The following WASF3 variants were observed in gnomAD, a reference collection of about 807,000 sequenced individuals.
The protein encoded by WASF3 is WASP family member 3, also known as actin-binding protein WASF3.
WASF3 carries 11 observed loss-of-function variants against 46.6 expected under a neutral mutation model. The ratio of observed to expected loss-of-function variants is 0.24; its 90% CI spans 0.15 to 0.39. The LOEUF (loss-of-function observed/expected upper bound fraction) is 0.39. WASF3 is among the 10% of genes least tolerant of loss of function. WASF3 has a pLI of 1.00. For synonymous variants in WASF3, 242 were observed against 259.7 expected (o/e 0.93, Z 0.65); for missense variants, 576 against 669.8 (o/e 0.86, Z 1.55).
chr13:26,571,448 G>T (rs1879631266), intron 1 of WASF3, among the ~76,000 whole-genome samples: 1 of 152,102 alleles, frequency 6.6e-6, no homozygotes, highest in Non-Finnish European at 1.5e-5. Context: ...ATCTGATTTT[G>T]TCTTCTTCTG....
chr13:26,650,000 C>T (rs760153867), intron 3 of WASF3, among the ~76,000 whole-genome samples: 4 of 152,038 alleles, frequency 2.6e-5, no homozygotes, highest in Non-Finnish European at 5.9e-5. Context: ...ACCCAGCAGG[C>T]GGAGGTTGCA....
chr13:26,621,987 A>G (rs1593153349), intron 2 of WASF3, among the ~76,000 whole-genome samples: 3 of 152,264 alleles, frequency 2.0e-5, no homozygotes, highest in South Asian at 4.1e-4. Flanking sequence ...ACTCTACTCT[A>G]TGGGCCCTGG....
At chr13:26,606,169 GTAGT>G (rs1374334162) in intron 1 of WASF3, among the ~76,000 whole-genome samples, 1 of 152,116 alleles carries the variant, frequency 6.6e-6, no homozygotes, top group East Asian at 1.9e-4. Context: ...TCTAATTTTT[GTAGT>G]TAGGGAAACT....
intron 1 of WASF3, among the ~76,000 whole-genome samples, chr13:26,572,686 G>GA (rs1310291345): frequency 6.6e-6 from 1 of 152,062 alleles, no homozygotes; most frequent in African/African-American, 2.4e-5. Flanking sequence ...CCGAGTAGCT[G>GA]AGACTATAGG....
intron 1 of WASF3, among the ~76,000 whole-genome samples, chr13:26,565,149 C>T (rs955396080): frequency 6.8e-6 from 1 of 146,846 alleles, no homozygotes; most frequent in Non-Finnish European, 1.5e-5. Flanking sequence ...CACTGTACTC[C>T]AGCCTGGGCA....
chr13:26,583,667 A>G (rs1243271971), intron 1 of WASF3, among the ~76,000 whole-genome samples: 6 of 152,136 alleles, frequency 3.9e-5, no homozygotes, highest in Admixed American at 6.5e-5. Flanking sequence ...ACACTCTGCT[A>G]TGGTGTTTGT....
intron 1 of WASF3, among the ~76,000 whole-genome samples, chr13:26,570,929 G>A (rs1879614628): frequency 1.3e-5 from 2 of 152,162 alleles, no homozygotes; most frequent in Admixed American, 1.3e-4. Flanking sequence ...CAGTGTGTGA[G>A]TGCCCGTTTC....
chr13:26,627,018 A>G (rs539976525), intron 2 of WASF3, among the ~76,000 whole-genome samples: 3 of 134,434 alleles, frequency 2.2e-5, no homozygotes, highest in Non-Finnish European at 4.6e-5. Flanking sequence ...TAACCAAGAA[A>G]GTAGAAAGTA....
intron 1 of WASF3, among the ~76,000 whole-genome samples, chr13:26,599,148 C>T (rs561016635): frequency 2.3e-4 from 35 of 150,082 alleles, no homozygotes; most frequent in African/African-American, 7.3e-4. Flanking sequence ...AGGCGTCAGC[C>T]GCTGCGCCTG....
chr13:26,613,607 A>T (rs1881045886), intron 2 of WASF3, among the ~76,000 whole-genome samples: 1 of 152,160 alleles, frequency 6.6e-6, no homozygotes, highest in Non-Finnish European at 1.5e-5. Flanking sequence ...ATCTCTACTA[A>T]AAACACACAA....
intron 2 of WASF3, among the ~76,000 whole-genome samples, chr13:26,632,719 G>C (rs999030204): frequency 6.6e-6 from 1 of 152,120 alleles, no homozygotes; most frequent in African/African-American, 2.4e-5. Context: ...CTCTTTTTCT[G>C]TCGATTGGAA....
intron 3 of WASF3, among the ~76,000 whole-genome samples, chr13:26,662,548 A>T (rs1028603034): frequency 2.6e-5 from 4 of 152,262 alleles, no homozygotes; most frequent in Non-Finnish European, 5.9e-5. Context: ...ACACAGGAAC[A>T]GAAAACCAAA....
intron 2 of WASF3, among the ~76,000 whole-genome samples, chr13:26,632,514 C>T (rs1398000205): frequency 1.3e-5 from 2 of 152,142 alleles, no homozygotes; most frequent in East Asian, 1.9e-4. Flanking sequence ...GCATCCCAGG[C>T]ATGAAGCTGA....
At chr13:26,598,163 C>T (rs61944917) in intron 1 of WASF3, among the ~76,000 whole-genome samples, 23 of 152,274 alleles carry the variant, frequency 1.5e-4, no homozygotes, top group Non-Finnish European at 2.6e-4. Context: ...CCATTCTAAC[C>T]GGTATGAGAT....
intron 3 of WASF3, among the ~76,000 whole-genome samples, chr13:26,650,672 T>C (rs921358821): frequency 5.9e-5 from 9 of 152,116 alleles, no homozygotes; most frequent in Admixed American, 2.0e-4. Flanking sequence ...GAAATAGCAG[T>C]TTCAGCAGAG....
chr13:26,582,999 T>C (rs1389441216), intron 1 of WASF3, among the ~76,000 whole-genome samples: 1 of 152,202 alleles, frequency 6.6e-6, no homozygotes, highest in African/African-American at 2.4e-5. Flanking sequence ...CAGGCACCTC[T>C]ATGGATGCTT....
chr13:26,658,622 G>A (rs1467427096), intron 3 of WASF3, among the ~76,000 whole-genome samples: 1 of 152,186 alleles, frequency 6.6e-6, no homozygotes, highest in African/African-American at 2.4e-5. Context: ...TTGGCTTTGT[G>A]CTTGTTAACA....
At chr13:26,671,285 G>A (rs780081407) in intron 5 of WASF3, among the ~76,000 whole-genome samples, 3 of 152,158 alleles carry the variant, frequency 2.0e-5, no homozygotes, top group Non-Finnish European at 4.4e-5. Flanking sequence ...AATGGCCACA[G>A]GTGAATAAAG....
rs1417727448 is a variant in WASF3, at chr13:26,681,269, A to G, written c.932A>G (p.Gln311Arg). Residue 311 changes from glutamine (Q) to arginine (R), a missense_variant, in exon 8 of 10, where the codon CAG becomes CGG. Around this residue, in one of 3 missense-constraint regions of WASF3, gnomAD observed 295 missense variants for 291.5 expected, o/e 1.01. Transcript: ENST00000335327. ...PQQPPPPPPP[Q>R]APEGSQASAP... is the part of the protein sequence containing the mutation. ...CAGCCGCCCCCCCCGCCTCCCCCTCAGGCCCCAGAGGGGTCCCAGGCCTCT... is the reference window on the plus strand; with the variant it reads ...CAGCCGCCCCCCCCGCCTCCCCCTCGGGCCCCAGAGGGGTCCCAGGCCTCT... The G allele has an allele frequency of 3.7e-6, 6 of 1,610,866 alleles. No individual in the cohort carries two copies. The highest frequency in any genetic ancestry group is 4.2e-6 in the Non-Finnish European group (5 of 1,178,878).
Sources: allele counts gnomAD v4.1 joint callset (sites outside exome capture counted in the v4.1 genomes callset), GRCh38; gene constraint gnomAD v4.1.1; regional missense constraint gnomAD v4.1.1; transcripts MANE v1.5; gene names NCBI Gene and HGNC (gene_info 2026-07-23, HGNC 2026-07-21).